Variants in ADARB2 observed in about 807,000 individuals in gnomAD.
ADARB2 encodes the protein inactive double-stranded RNA-specific editase B2.
ADARB2 carries 25 observed loss-of-function variants against 62.2 expected under a neutral mutation model. That is an observed-to-expected ratio of 0.40 (90% CI 0.29 to 0.56). The LOEUF (loss-of-function observed/expected upper bound fraction) is 0.56, where lower values mean the gene tolerates loss of function less well. Among genes scored for constraint, ADARB2 ranks in the 20% least tolerant of loss-of-function variants. The pLI, the probability that ADARB2 is intolerant of heterozygous loss-of-function variation, is 0.43. For missense variants in ADARB2, 1,071 were observed against 1,077.4 expected (o/e 0.99, Z 0.08); for synonymous variants, 572 against 500.8 (o/e 1.14, Z -1.90).
chr10:1,647,521 G>T (rs1564357389), intron 1 of ADARB2, among the ~76,000 whole-genome samples: 1 of 152,076 alleles, frequency 6.6e-6, no homozygotes, highest in South Asian at 2.1e-4. Flanking sequence ...CTGCATATAT[G>T]CATGCATGTG....
At position 1,315,010 on chromosome 10, in the gene ADARB2, G is replaced by A. The variant is rs995846367; in HGVS notation, c.1078-43941C>T. Among the ~76,000 whole-genome samples the A allele has an allele frequency of 5.9e-5, 9 of 152,298 alleles. No homozygotes were observed. The South Asian group carries it at 6.2e-4, about 11-fold the overall frequency. On this transcript the variant is annotated intron_variant, in intron 3 of 9. Coordinates refer to ENST00000381312, the MANE Select transcript of ADARB2 (RefSeq NM_018702.4). ...CCTTCCTGATCATCACCCTTCTCACGGAGAGAAGCCGCCCCGAGGTTCCAA... is the reference window on the plus strand; with the variant it reads ...CCTTCCTGATCATCACCCTTCTCACAGAGAGAAGCCGCCCCGAGGTTCCAA...
At chr10:1,485,069 G>T (rs1831523499) in intron 1 of ADARB2, among the ~76,000 whole-genome samples, 1 of 152,168 alleles carries the variant, frequency 6.6e-6, no homozygotes, top group Non-Finnish European at 1.5e-5. Context: ...TACCTATGTA[G>T]GTATGTAGGT....
chr10:1,508,363 G>A (rs1588281876), intron 1 of ADARB2, among the ~76,000 whole-genome samples: 1 of 152,356 alleles, frequency 6.6e-6, no homozygotes, highest in East Asian at 1.9e-4. Context: ...TGAGCATGAA[G>A]CTTGTTTCCT....
chr10:1,263,427 G>C (rs573723536), intron 4 of ADARB2, among the ~76,000 whole-genome samples: 45 of 152,110 alleles, frequency 3.0e-4, no homozygotes, highest in Non-Finnish European at 5.6e-4. Flanking sequence ...TATGCTTCCA[G>C]TAAAAAAAGA....
At chr10:1,634,936 C>A (rs1289605723) in intron 1 of ADARB2, among the ~76,000 whole-genome samples, 39 of 152,178 alleles carry the variant, frequency 2.6e-4, no homozygotes, top group Non-Finnish European at 4.4e-5. Context: ...GATTCTTGGT[C>A]ACAGCTGGAT....
At position 1,241,184 on chromosome 10, in the gene ADARB2, G is replaced by A. The variant is rs189657114; in HGVS notation, c.1361+947C>T. Among the ~76,000 whole-genome samples the A allele has an allele frequency of 9.2e-5, 14 of 152,204 alleles. No individual in the cohort carries two copies. The East Asian group carries it at 2.3e-3, about 25-fold the overall frequency. The stretch of plus-strand genomic sequence containing the variant: ...TGAGGTGGGAGAATTGCTTCAACCC[G>A]GGAGGCAGAGGTTGCAGTGGGCCAA... On this transcript the variant is annotated intron_variant, in intron 5 of 9. Transcript: ENST00000381312.
chr10:1,347,723 A>G (rs1053344566), intron 3 of ADARB2, among the ~76,000 whole-genome samples: 5 of 152,162 alleles, frequency 3.3e-5, no homozygotes, highest in African/African-American at 1.2e-4. Context: ...GCCTCCCGAC[A>G]GCGCTCACAG....
chr10:1,299,592 G>A (rs1831555020), intron 3 of ADARB2, among the ~76,000 whole-genome samples: 1 of 152,210 alleles, frequency 6.6e-6, no homozygotes, highest in South Asian at 2.1e-4. Context: ...AGGAGGATGA[G>A]GCTGTGTCCT....
At chr10:1,335,861 G>C (rs1831970840) in intron 3 of ADARB2, among the ~76,000 whole-genome samples, 1 of 152,166 alleles carries the variant, frequency 6.6e-6, no homozygotes, top group Admixed American at 6.5e-5. Flanking sequence ...TTAGAGAGAT[G>C]CCTGCGTTAC....
intron 1 of ADARB2, among the ~76,000 whole-genome samples, chr10:1,568,470 A>G (rs573068008): frequency 1.3e-5 from 2 of 152,142 alleles, no homozygotes; most frequent in African/African-American, 2.4e-5. Flanking sequence ...TGAACCCAGA[A>G]GTCTGTGGTT....
rs537331483 is a variant in ADARB2, at chr10:1,695,517, CG to C, written c.100+41533del. On this transcript the variant is annotated intron_variant, in intron 1 of 9. Coordinates refer to ENST00000381312, the MANE Select transcript of ADARB2 (RefSeq NM_018702.4). ...CTTATTAAACAATCTCATATATAGA[CG>C]GTGAGAGTGCTATGGAGATAAAGAG... Among the ~76,000 whole-genome samples, 18 of 152,218 alleles carry C rather than the reference CG, an allele frequency of 1.2e-4. No homozygotes were observed. The South Asian group carries it at 3.7e-3, about 32-fold the overall frequency.
chr10:1,615,454 C>A (rs1874998), intron 1 of ADARB2, among the ~76,000 whole-genome samples: 1 of 152,150 alleles, frequency 6.6e-6, no homozygotes, highest in Non-Finnish European at 1.5e-5. Context: ...CCAGGATGCG[C>A]GGTATGGTGG....
chr10:1,577,269 C>T (rs1833035257), intron 1 of ADARB2, among the ~76,000 whole-genome samples: 1 of 143,634 alleles, frequency 7.0e-6, no homozygotes, highest in Non-Finnish European at 1.5e-5. Context: ...CAGTAATACC[C>T]TCATGCACAC....
chr10:1,631,967 C>T (rs1481175731), intron 1 of ADARB2, among the ~76,000 whole-genome samples: 1 of 151,924 alleles, frequency 6.6e-6, no homozygotes, highest in African/African-American at 2.4e-5. Context: ...AGGAGCTTGC[C>T]ATGCACTGCC....
At chr10:1,715,225 A>G (rs1480564654) in intron 1 of ADARB2, among the ~76,000 whole-genome samples, 1 of 152,160 alleles carries the variant, frequency 6.6e-6, no homozygotes, top group Non-Finnish European at 1.5e-5. Flanking sequence ...CAGGAAGCCC[A>G]GCATTTCATT....
chr10:1,609,799 G>A (rs1441916126), intron 1 of ADARB2, among the ~76,000 whole-genome samples: 2 of 152,220 alleles, frequency 1.3e-5, no homozygotes, highest in Non-Finnish European at 2.9e-5. Flanking sequence ...CCCTGTGTCT[G>A]TGGTCATGAC....
intron 4 of ADARB2, among the ~76,000 whole-genome samples, chr10:1,248,795 C>T (rs1012605369): frequency 3.9e-5 from 6 of 152,136 alleles, no homozygotes; most frequent in African/African-American, 9.7e-5. Context: ...AGAAAATATA[C>T]GAATTTCTAT....
At chr10:1,186,031 C>G (rs946885672) in intron 8 of ADARB2, among the ~76,000 whole-genome samples, 14 of 152,202 alleles carry the variant, frequency 9.2e-5, no homozygotes, top group Non-Finnish European at 1.5e-4. Flanking sequence ...CCAGGGGGCA[C>G]CTGCCGAGAC....
At chr10:1,557,927 AAAAACAAAAC>A (rs150093757) in intron 1 of ADARB2, among the ~76,000 whole-genome samples, 3 of 149,648 alleles carry the variant, frequency 2.0e-5, no homozygotes, top group Non-Finnish European at 4.4e-5. Context: ...GACCCTATCT[AAAAACAAAAC>A]AAAACAAAAC....
Sources: allele counts gnomAD v4.1 joint callset (sites outside exome capture counted in the v4.1 genomes callset), GRCh38; gene constraint gnomAD v4.1.1; transcripts MANE v1.5; gene names NCBI Gene and HGNC (gene_info 2026-07-23, HGNC 2026-07-21).